FLT4: variants seen among roughly 807,000 people sequenced by gnomAD.
FLT4 encodes vascular endothelial growth factor receptor 3.
A neutral mutation model predicts 163.2 loss-of-function variants in FLT4; 30 were observed. That is an observed-to-expected ratio of 0.18 (90% CI 0.14 to 0.25). FLT4 has a LOEUF of 0.25. Ranked by LOEUF, FLT4 falls within the 10% of genes least tolerant of loss-of-function variation. The pLI is 1.00. For synonymous variants in FLT4, 884 were observed against 789.5 expected, an observed-to-expected ratio of 1.12 and a Z score of -2.01; for missense variants, 1,510 against 1,863.8, an observed-to-expected ratio of 0.81 and a Z score of 3.50.
intron 1 of FLT4, among the ~76,000 whole-genome samples, chr5:180,640,967 G>A (rs947084690): frequency 2.6e-5 from 4 of 152,172 alleles, no homozygotes; most frequent in African/African-American, 9.7e-5. Context: ...GCATGGCTGG[G>A]TCCAGGTCCT....
At chr5:180,619,845 C>G (rs560261672) in intron 17 of FLT4, 76 bp from the exon 18 acceptor site, 2 of 1,077,214 alleles carry the variant, frequency 1.9e-6, no homozygotes, top group South Asian at 1.3e-5. Flanking sequence ...GGGGGAGCCC[C>G]GTGCAGAGGT....
chr5:180,612,403 G>T, intron 26 of FLT4, 103 bp downstream of exon 26: 1 of 839,266 alleles, frequency 1.2e-6, no homozygotes, highest in Non-Finnish European at 2.1e-6. Flanking sequence ...CCTAGCAGCT[G>T]AGAGGTGGGC....
rs1297682245 is a variant in FLT4, at chr5:180,629,979, C to G, written c.640G>C (p.Asp214His). The G allele has an allele frequency of 1.9e-6, 3 of 1,612,884 alleles. No individual in the cohort carries two copies. The highest frequency in any genetic ancestry group is 2.5e-6 in the Non-Finnish European group (3 of 1,180,024). The change falls in exon 5 of 30, where the codon GAC becomes CAC. Residue 214 changes from aspartate (D) to histidine (H), a missense_variant. By Grantham distance (81) the Asp-to-His change is moderately conservative. Around this residue, in one of 5 missense-constraint regions of FLT4, gnomAD observed 163 missense variants for 281.1 expected, o/e 0.58. Transcript: ENST00000261937. The stretch of plus-strand genomic sequence containing the variant: ...ACCAGGAAGGGGTTGGAAAGGAAGT[C>G]CTGGTCTCCCCAGGTGGTCTCGCAC... ...LQCETTWGDQ[D>H]FLSNPFLVHI...
rs1762037321 is a variant in FLT4, at chr5:180,609,893, CATGTG to C, written c.3807+7_3807+11del. On this transcript the variant is annotated splice_region_variant and intron_variant, in intron 28 of 29. Coordinates refer to ENST00000261937, the MANE Select transcript of FLT4 (RefSeq NM_182925.5). ...AGCCGAGAGCGCAGCCCCCACCCTTCATGTGAAGTACCACAGAGCCTTTGTAGGTC... is the reference window on the plus strand; with the variant it reads ...AGCCGAGAGCGCAGCCCCCACCCTTCAAGTACCACAGAGCCTTTGTAGGTC... 6.2e-7 allele frequency: 1 copy of C among 1,613,936 alleles called. No individual in the cohort carries two copies. The highest frequency in any genetic ancestry group is 1.3e-5 in the African/African-American group (1 of 74,932).
intron 1 of FLT4, among the ~76,000 whole-genome samples, chr5:180,641,996 C>T (rs1484398814): frequency 2.6e-5 from 4 of 152,062 alleles, no homozygotes; most frequent in Non-Finnish European, 5.9e-5. Context: ...ATCAGGAGGT[C>T]AAGAGATTGA....
At chr5:180,608,596 G>A (rs1761936426) in intron 29 of FLT4, among the ~76,000 whole-genome samples, 1 of 152,156 alleles carries the variant, frequency 6.6e-6, no homozygotes, top group South Asian at 2.1e-4. Flanking sequence ...TATCTACCCG[G>A]CTTCTGGAGC....
Position 180,623,911 on chromosome 5 carries a change from C to T in FLT4, c.1548+24G>A. Reference sequence around the variant, plus strand: ...CCTCCCTTCTCCTTCTCCCTGGGCACTCAGCAGCGCGGCTGGCCTGTACCT... The same window carrying T: ...CCTCCCTTCTCCTTCTCCCTGGGCATTCAGCAGCGCGGCTGGCCTGTACCT... On this transcript the variant is annotated intron_variant, in intron 11 of 29. Transcript: ENST00000261937. The surrounding 1 kb of genome is among the most constrained non-coding windows in gnomAD (Gnocchi z 5.8). 1 of 1,613,362 alleles carries T rather than the reference C, an allele frequency of 6.2e-7. No individual in the cohort carries two copies. The highest frequency in any genetic ancestry group is 8.5e-7 in the Non-Finnish European group (1 of 1,179,860).
Position 180,609,018 on chromosome 5 carries a change from C to G in FLT4, c.3843G>C (p.Ser1281=), listed in dbSNP as rs373823333. 1 of 1,614,208 alleles carries G rather than the reference C, an allele frequency of 6.2e-7. No individual in the cohort carries two copies. Among genetic ancestry groups the G allele is most frequent in the Non-Finnish European group, 8.5e-7 (1 of 1,180,024 alleles). Residue 1281 remains serine, a synonymous_variant, in exon 29 of 30, where the codon TCG becomes TCC. Coordinates refer to ENST00000261937, the MANE Select transcript of FLT4 (RefSeq NM_182925.5). ...NQTDSGMVLA[S]EEFEQIESRH... is the part of the protein sequence containing the mutation. ...TGCTCTCTATCTGCTCAAACTCCTC[C>G]GAGGCCAGCACCATCCCACTGTCTG...
intron 8 of FLT4, among the ~76,000 whole-genome samples, chr5:180,626,474 C>A (rs555253613): frequency 1.4e-4 from 22 of 152,294 alleles, no homozygotes; most frequent in Non-Finnish European, 2.5e-4. Flanking sequence ...CCGTGTCAGG[C>A]GGCCGGCTCG....
chr5:180,608,477 A>ATC, intron 29 of FLT4, among the ~76,000 whole-genome samples: 1 of 152,208 alleles, frequency 6.6e-6, no homozygotes, highest in East Asian at 1.9e-4. Context: ...TTTTCTCTTT[A>ATC]TCTCTGTCTT....
chr5:180,636,906 T>C lies in FLT4; in HGVS notation c.59-5128A>G, dbSNP rs1764731391. Among the ~76,000 whole-genome samples, 1 of 151,774 alleles carries C rather than the reference T, an allele frequency of 6.6e-6. No homozygotes were observed. The highest frequency in any genetic ancestry group is 2.4e-5 in the African/African-American group (1 of 41,278). On this transcript the variant is annotated intron_variant, in intron 1 of 29. Transcript: ENST00000261937. The surrounding 1 kb of genome is among the most constrained non-coding windows in gnomAD (Gnocchi z 4.3). ...ATGCTCCCTCCCCTCTTGTCCTGCA[T>C]CCCAACCCTGAGACAGCATGCATTC...
At chr5:180,642,044 T>TA (rs139977455) in intron 1 of FLT4, among the ~76,000 whole-genome samples, 1 of 151,966 alleles carries the variant, frequency 6.6e-6, no homozygotes, top group African/African-American at 2.4e-5. Context: ...CCATCTCTAC[T>TA]AAAAATACAA....
chr5:180,620,976 C>T lies in FLT4; in HGVS notation c.2199G>A (p.Leu733=), dbSNP rs111281109. ...GVDLADSNQK[L]SIQRVREEDA... is the part of the protein sequence containing the mutation. The stretch of plus-strand genomic sequence containing the variant: ...CCTCCTCGCGCACGCGCTGGATGCT[C>T]AGCTTCTGGTTGGAGTCCGCCAAGT... Residue 733 remains leucine (L), a synonymous_variant, in exon 15 of 30, where the codon CTG becomes CTA. Transcript: ENST00000261937. This position sits in a 1 kb window ranked among gnomAD's most constrained non-coding sequence, Gnocchi z 4.4. 564 of 1,611,136 alleles carry T rather than the reference C, an allele frequency of 3.5e-4. No individual in the cohort carries two copies. In the African/African-American group the frequency reaches 6.5e-3, roughly 19 times the overall value.
At chr5:180,606,711 G>T (rs984721116) in intron 29 of FLT4, among the ~76,000 whole-genome samples, 3 of 152,116 alleles carry the variant, frequency 2.0e-5, no homozygotes, top group Non-Finnish European at 4.4e-5. Context: ...TTAGCCCAAA[G>T]CTATTTCCGT....
chr5:180,611,278 C>T, intron 27 of FLT4, 53 bp downstream of exon 27: 2 of 1,605,174 alleles, frequency 1.2e-6, no homozygotes, highest in South Asian at 1.1e-5. Context: ...TAAAATGCAC[C>T]TTGTCCACAT....
chr5:180,620,359 C>T lies in FLT4; in HGVS notation c.2407-51G>A, dbSNP rs763933528. ...GGGGCAGCTCACTGATTTGGCCATA[C>T]CACTGTGGCTTGGGCAGAACTTTGC... On this transcript the variant is annotated intron_variant, in intron 16 of 29. Coordinates refer to ENST00000261937, the MANE Select transcript of FLT4 (RefSeq NM_182925.5). The surrounding 1 kb of genome is among the most constrained non-coding windows in gnomAD (Gnocchi z 4.4). The T allele has an allele frequency of 6.2e-7, 1 of 1,604,512 alleles. No individual in the cohort carries two copies. The highest frequency in any genetic ancestry group is 8.5e-7 in the Non-Finnish European group (1 of 1,178,420).
rs747466181 is a variant in FLT4 at position 180,620,889 on chromosome 5, G to C, written c.2286C>G (p.Ser762Arg). ...NAKGCVNSSASVAVEGSEDKG... is the reference protein window; with the variant it reads ...NAKGCVNSSARVAVEGSEDKG... Reference sequence around the variant, plus strand: ...CTGAGGCCAGACCTTCCACGGCCACGCTGGCGGAGGAGTTGACGCAGCCCT... The same window carrying C: ...CTGAGGCCAGACCTTCCACGGCCACCCTGGCGGAGGAGTTGACGCAGCCCT... Residue 762 changes from serine (S) to arginine (R), a missense_variant, in exon 15 of 30, where the codon AGC becomes AGG. Transcript: ENST00000261937. The surrounding 1 kb of genome is among the most constrained non-coding windows in gnomAD (Gnocchi z 4.4). 6.2e-7 allele frequency: 1 copy of C among 1,609,650 alleles called. No individual in the cohort carries two copies. The highest frequency in any genetic ancestry group is 8.5e-7 in the Non-Finnish European group (1 of 1,178,552).
Position 180,636,653 on chromosome 5 carries a change from T to C in FLT4, c.59-4875A>G, listed in dbSNP as rs1205704325. ...AGATCCCCCCTGCACGGCCCTCACATCTTCTCCTCCTGAATCACTCAGTTC... is the reference window on the plus strand; with the variant it reads ...AGATCCCCCCTGCACGGCCCTCACACCTTCTCCTCCTGAATCACTCAGTTC... On this transcript the variant is annotated intron_variant, in intron 1 of 29. Coordinates refer to ENST00000261937, the MANE Select transcript of FLT4 (RefSeq NM_182925.5). This position sits in a 1 kb window ranked among gnomAD's most constrained non-coding sequence, Gnocchi z 4.3. Among the ~76,000 whole-genome samples the C allele has an allele frequency of 6.7e-6, 1 of 149,096 alleles. No individual in the cohort carries two copies. Among genetic ancestry groups the C allele is most frequent in the Non-Finnish European group, 1.5e-5 (1 of 67,382 alleles).
Position 180,613,127 on chromosome 5 carries a change from GAGGTGGGTGGGGAGCA to G in FLT4, c.3332-33_3332-18del. ...GGGAGGCCCCTGACAACAGGAAGGG[GAGGTGGGTGGGGAGCA>G]AGCCTCCTGCGGCTCAGCCCAGCCC... On this transcript the variant is annotated intron_variant, in intron 24 of 29. Transcript: ENST00000261937. The G allele has an allele frequency of 5.0e-6, 8 of 1,593,762 alleles. No homozygotes were observed. Among genetic ancestry groups the G allele is most frequent in the Non-Finnish European group, 6.0e-6 (7 of 1,163,158 alleles).
Sources: gnomAD v4.1 joint callset for allele counts (sites outside exome capture counted in the v4.1 genomes callset) on GRCh38, gnomAD v4.1.1 for gene constraint, gnomAD v4.1.1 regional missense constraint, Gnocchi (gnomAD v3.1) non-coding constraint, MANE v1.5 for transcripts, NCBI Gene and HGNC (gene_info 2026-07-23, HGNC 2026-07-21) for gene names.